The following ZNF804B variants were observed in gnomAD, a reference collection of about 807,000 sequenced individuals.
ZNF804B encodes zinc finger protein 804B.
In ZNF804B, 80 loss-of-function variants were observed where a neutral mutation model predicts 101.4. That is an observed-to-expected ratio of 0.79 (90% CI 0.66 to 0.95). ZNF804B has a LOEUF of 0.95. ZNF804B is among the 40% of genes least tolerant of loss of function. The pLI is 0.00. For missense variants in ZNF804B, 1,673 were observed against 1,561.9 expected (o/e 1.07, Z -1.20); for synonymous variants, 622 against 558.8 (o/e 1.11, Z -1.59).
At chr7:89,272,467 A>C (rs1789913334) in intron 2 of ZNF804B, among the ~76,000 whole-genome samples, 1 of 152,130 alleles carries the variant, frequency 6.6e-6, no homozygotes, top group Non-Finnish European at 1.5e-5. Flanking sequence ...ACACAGATAG[A>C]ACAGGAGCCA....
intron 1 of ZNF804B, among the ~76,000 whole-genome samples, chr7:89,047,686 C>T (rs1389320817): frequency 6.6e-6 from 1 of 152,158 alleles, no homozygotes; most frequent in African/African-American, 2.4e-5. Flanking sequence ...CTTCATGCCT[C>T]TCCACAGGAC....
chr7:89,335,858 CG>C lies in ZNF804B; in HGVS notation c.2877del (p.Gln960LysfsTer58). The C allele has an allele frequency of 6.2e-7, 1 of 1,614,044 alleles. No homozygotes were observed. The highest frequency in any genetic ancestry group is 8.5e-7 in the Non-Finnish European group (1 of 1,179,970). On this transcript the variant is annotated frameshift_variant, in exon 4 of 4. Transcript: ENST00000333190. LOFTEE classifies it high-confidence loss of function. Reference protein sequence around the residue: ...NSCKSELEAPSQVPCTIQLAP... With the variant: ...NSCKSELEAPXQVPCTIQLAP... ...TGTAAAAGTGAATTAGAGGCTCCTT[CG>C]CAAGTCCCATGCACAATTCAACTTG...
At chr7:89,257,547 C>T (rs1181723376) in intron 2 of ZNF804B, among the ~76,000 whole-genome samples, 1 of 152,006 alleles carries the variant, frequency 6.6e-6, no homozygotes, top group African/African-American at 2.4e-5. Context: ...AAAGGAGTCA[C>T]TACTCTTTGT....
At position 89,336,129 on chromosome 7, in the gene ZNF804B, A is replaced by G; in HGVS notation, c.3147A>G (p.Lys1049=). 1 of 1,613,970 alleles carries G rather than the reference A, an allele frequency of 6.2e-7. No individual in the cohort carries two copies. The highest frequency in any genetic ancestry group is 8.5e-7 in the Non-Finnish European group (1 of 1,179,994). The change falls in exon 4 of 4, where the codon AAA becomes AAG. Residue 1049 remains lysine (K), a synonymous_variant. Coordinates refer to ENST00000333190, the MANE Select transcript of ZNF804B (RefSeq NM_181646.5). ...SLNIKRDATT[K]EQSKPLISEI... is the part of the protein sequence containing the mutation. Reference sequence around the variant, plus strand: ...ACATAAAAAGGGATGCAACAACAAAAGAACAATCAAAACCTTTAATTAGTG... The same window carrying G: ...ACATAAAAAGGGATGCAACAACAAAGGAACAATCAAAACCTTTAATTAGTG...
At position 88,794,131 on chromosome 7, in the gene ZNF804B, T is replaced by A. The variant is rs766638367; in HGVS notation, c.108+34047T>A. ...TAACTTTAAAAATGTTTTTTTTATTTAAGTAGCACAAACTCCTTAAGAGAC... is the reference window on the plus strand; with the variant it reads ...TAACTTTAAAAATGTTTTTTTTATTAAAGTAGCACAAACTCCTTAAGAGAC... On this transcript the variant is annotated intron_variant, in intron 1 of 3. Coordinates refer to ENST00000333190, the MANE Select transcript of ZNF804B (RefSeq NM_181646.5). 3.4e-6 allele frequency: 5 copies of A among 1,463,044 alleles called. No individual in the cohort carries two copies. In the South Asian group the frequency reaches 7.1e-5, roughly 21 times the overall value. 90.6% of individuals were successfully genotyped at this position (1,463,044 alleles called of 1,614,324 possible). A position where few individuals can be genotyped will look rare whatever the true frequency, so the allele number is the denominator to read the frequency against.
At chr7:89,293,628 C>CA (rs1229523540) in intron 2 of ZNF804B, among the ~76,000 whole-genome samples, 3 of 151,546 alleles carry the variant, frequency 2.0e-5, no homozygotes, top group Non-Finnish European at 2.9e-5. Flanking sequence ...ACTAAAAATA[C>CA]AAAAAAATTA....
intron 1 of ZNF804B, among the ~76,000 whole-genome samples, chr7:88,839,718 T>C (rs1791268095): frequency 6.6e-6 from 1 of 151,982 alleles, no homozygotes; most frequent in African/African-American, 2.4e-5. Flanking sequence ...TAACCAGCCA[T>C]GTTAGCAGTT....
chr7:88,783,161 C>T (rs376862728), intron 1 of ZNF804B, among the ~76,000 whole-genome samples: 22 of 152,260 alleles, frequency 1.4e-4, no homozygotes, highest in African/African-American at 5.1e-4. Flanking sequence ...TCAGCTCCCT[C>T]ACCCCATAAG....
chr7:89,031,666 T>G lies in ZNF804B; in HGVS notation c.109-186489T>G, dbSNP rs138800231. On this transcript the variant is annotated intron_variant, in intron 1 of 3. Coordinates refer to ENST00000333190, the MANE Select transcript of ZNF804B (RefSeq NM_181646.5). ...TCTTTAGGCTTCTGGTTTTTGTTTT[T>G]TTTTTTTTCCCAAATGTACAGCGAA... Among the ~76,000 whole-genome samples the G allele has an allele frequency of 1.6e-3, 248 of 151,484 alleles. 2 individuals are homozygous for G. Among genetic ancestry groups the G allele is most frequent in the African/African-American group, 5.6e-3 (232 of 41,362 alleles).
chr7:88,872,830 T>A (rs1311012772), intron 1 of ZNF804B, among the ~76,000 whole-genome samples: 3 of 148,262 alleles, frequency 2.0e-5, no homozygotes, highest in Non-Finnish European at 4.5e-5. Context: ...TAGTATTCCA[T>A]GGTGTATATG....
At chr7:88,911,279 T>C (rs977718594) in intron 1 of ZNF804B, among the ~76,000 whole-genome samples, 1 of 151,966 alleles carries the variant, frequency 6.6e-6, no homozygotes, top group African/African-American at 2.4e-5. Context: ...GATGCTTTTT[T>C]TAATGACATT....
At chr7:89,056,654 T>C (rs963535938) in intron 1 of ZNF804B, among the ~76,000 whole-genome samples, 12 of 152,090 alleles carry the variant, frequency 7.9e-5, no homozygotes, top group Non-Finnish European at 1.8e-4. Flanking sequence ...AACATAATAC[T>C]TTTCCAGAAA....
intron 1 of ZNF804B, among the ~76,000 whole-genome samples, chr7:89,215,883 C>CAAAA (rs1554379473): frequency 0.2 from 28,960 of 142,970 alleles, 4,148 homozygotes; most frequent in African/African-American, 0.38. Flanking sequence ...GACTCCGTCT[C>CAAAA]TAAATAAATA....
chr7:89,189,517 C>T (rs544265094), intron 1 of ZNF804B, among the ~76,000 whole-genome samples: 7 of 152,190 alleles, frequency 4.6e-5, no homozygotes, highest in Non-Finnish European at 7.4e-5. Context: ...AGACAATGAG[C>T]GGGCTGATAC....
At position 88,827,431 on chromosome 7, in the gene ZNF804B, TG is replaced by T. The variant is rs1308059814; in HGVS notation, c.108+67348del. ...ATGTGTCTTTGTATTTACATATATG[TG>T]TTTTTTTTTTTAACTAAAAGACAAC... On this transcript the variant is annotated intron_variant, in intron 1 of 3. Coordinates refer to ENST00000333190, the MANE Select transcript of ZNF804B (RefSeq NM_181646.5). 3.1e-5 allele frequency among the ~76,000 whole-genome samples: 4 copies of T among 131,142 alleles called. No homozygotes were observed. In the East Asian group the frequency reaches 1.2e-3, roughly 38 times the overall value. The allele number at this position is 131,142 out of a possible 152,430, so 86.0% of individuals were successfully genotyped here.
intron 1 of ZNF804B, among the ~76,000 whole-genome samples, chr7:88,882,860 C>T (rs998212514): frequency 1.1e-4 from 17 of 151,784 alleles, no homozygotes; most frequent in South Asian, 2.1e-4. Flanking sequence ...ACTATTACAG[C>T]GGGGAAGGAG....
intron 1 of ZNF804B, among the ~76,000 whole-genome samples, chr7:89,142,581 A>G (rs911466544): frequency 6.6e-6 from 1 of 151,968 alleles, no homozygotes; most frequent in African/African-American, 2.4e-5. Context: ...TAATTCTTGG[A>G]GTAAATTTTC....
At chr7:88,813,320 C>T (rs918138749) in intron 1 of ZNF804B, among the ~76,000 whole-genome samples, 9 of 150,584 alleles carry the variant, frequency 6.0e-5, no homozygotes, top group South Asian at 2.1e-4. Flanking sequence ...CCAGCTACTC[C>T]GGAGGCTGAG....
chr7:88,972,783 C>G (rs1322181462), intron 1 of ZNF804B, among the ~76,000 whole-genome samples: 1 of 150,640 alleles, frequency 6.6e-6, no homozygotes, highest in Non-Finnish European at 1.5e-5. Flanking sequence ...TTCCATAATT[C>G]TTCTCACTAA....
Sources: gnomAD v4.1 joint callset for allele counts (sites outside exome capture counted in the v4.1 genomes callset) on GRCh38, gnomAD v4.1.1 for gene constraint, MANE v1.5 for transcripts, NCBI Gene and HGNC (gene_info 2026-07-23, HGNC 2026-07-21) for gene names.